The following FOXA1 variants were observed in gnomAD, a reference collection of about 807,000 sequenced individuals.
FOXA1 encodes forkhead box A1.
FOXA1 carries 9 observed loss-of-function variants against 29.2 expected under a neutral mutation model. The ratio of observed to expected loss-of-function variants is 0.31; its 90% CI spans 0.19 to 0.54. FOXA1 has a LOEUF of 0.54. Among genes scored for constraint, FOXA1 ranks in the 20% least tolerant of loss-of-function variants. The probability of loss-of-function intolerance (pLI) is 0.95; values close to 1 mark genes in which losing one functional copy is unlikely to be tolerated. For missense variants in FOXA1, 644 were observed against 681.2 expected (o/e 0.95, Z 0.61); for synonymous variants, 340 against 300.9 (o/e 1.13, Z -1.34).
In FOXA1 at chr14:37,590,851, T is replaced by C. The variant is rs1191189420; in HGVS notation, c.*514A>G. The C allele has an allele frequency of 3.8e-6, 1 of 262,756 alleles. No individual in the cohort carries two copies. Among genetic ancestry groups the C allele is most frequent in the Non-Finnish European group, 7.4e-6 (1 of 135,434 alleles). The allele number at this position is 262,756 out of a possible 1,614,324, so 16.3% of individuals were successfully genotyped here. On this transcript the variant is annotated 3_prime_UTR_variant, in exon 2 of 2. Coordinates refer to ENST00000250448, the MANE Select transcript of FOXA1 (RefSeq NM_004496.5). Reference sequence around the variant, plus strand: ...ATATAACAGCAGTATTGTCTTTCAATACTTTTAAGAGCCTCTAGTGTATAC... The same window carrying C: ...ATATAACAGCAGTATTGTCTTTCAACACTTTTAAGAGCCTCTAGTGTATAC...
At chr14:37,594,507 G>T in intron 1 of FOXA1, 1 of 417,074 alleles carries the variant, frequency 2.4e-6, no homozygotes, top group Non-Finnish European at 3.3e-6. Flanking sequence ...ACGGTGGGAC[G>T]AAGAGGTCGC....
Position 37,591,178 on chromosome 14 carries a change from G to T in FOXA1, c.*187C>A. The T allele has an allele frequency of 1.3e-6, 1 of 796,804 alleles. No homozygotes were observed. Among genetic ancestry groups the T allele is most frequent in the Non-Finnish European group, 2.0e-6 (1 of 505,386 alleles). 49.4% of individuals were successfully genotyped at this position (796,804 alleles called of 1,614,324 possible). ...TGTAGTAATATACACAATGAATTTT[G>T]AATACAATAATAAAGTAACAGTCTT... On this transcript the variant is annotated 3_prime_UTR_variant, in exon 2 of 2. Coordinates refer to ENST00000250448, the MANE Select transcript of FOXA1 (RefSeq NM_004496.5).
In FOXA1 at chr14:37,591,958, C is replaced by T; in HGVS notation, c.826G>A (p.Gly276Ser). The part of the protein sequence containing the change: ...FKCEKQPGAG[G>S]GGGSGSGGSG... ...CCCCCGCTTCCGCTCCCGCCCCCGC[C>T]GCCGGCCCCCGGCTGCTTCTCGCAC... The change falls in exon 2 of 2, where the codon GGC becomes AGC. Residue 276 changes from glycine (G) to serine (S), a missense_variant. By Grantham distance (56) the Gly-to-Ser change is moderately conservative. Transcript: ENST00000250448. 1.3e-6 allele frequency: 2 copies of T among 1,532,252 alleles called. No individual in the cohort carries two copies. Among genetic ancestry groups the T allele is most frequent in the South Asian group, 1.3e-5 (1 of 78,602 alleles). 94.9% of individuals were successfully genotyped at this position (1,532,252 alleles called of 1,614,324 possible). A position where few individuals can be genotyped will look rare whatever the true frequency, so the allele number is the denominator to read the frequency against.
In FOXA1 at chr14:37,591,316, C is replaced by T. The variant is rs779274463; in HGVS notation, c.*49G>A. 3 of 1,605,826 alleles carry T rather than the reference C, an allele frequency of 1.9e-6. No individual in the cohort carries two copies. The highest frequency in any genetic ancestry group is 2.2e-5 in the East Asian group (1 of 44,878). On this transcript the variant is annotated 3_prime_UTR_variant, in exon 2 of 2. Coordinates refer to ENST00000250448, the MANE Select transcript of FOXA1 (RefSeq NM_004496.5). ...GTTTTGTTTGCTGTTGATTTTTTCTCTCTTGCTACCAGCATGGCTATGCCA... is the reference window on the plus strand; with the variant it reads ...GTTTTGTTTGCTGTTGATTTTTTCTTTCTTGCTACCAGCATGGCTATGCCA...
At chr14:37,593,383 G>A (rs921408944) in intron 1 of FOXA1, among the ~76,000 whole-genome samples, 2 of 152,110 alleles carry the variant, frequency 1.3e-5, no homozygotes, top group African/African-American at 4.8e-5. Context: ...ATTTTAACAT[G>A]ACTTTACATG....
In FOXA1 at chr14:37,591,859, G is replaced by C. The variant is rs753013275; in HGVS notation, c.925C>G (p.Leu309Val). Residue 309 changes from leucine to valine, a missense_variant, in exon 2 of 2, where the codon CTC (leucine) becomes GTC (valine). Transcript: ENST00000250448. ...GASNPSADSP[L>V]HRGVHGKTGQ... Reference sequence around the variant, plus strand: ...GTCTTCCCGTGCACACCCCGATGGAGGGGCGAGTCGGCGCTGGGGTTAGAG... The same window carrying C: ...GTCTTCCCGTGCACACCCCGATGGACGGGCGAGTCGGCGCTGGGGTTAGAG... 6.9e-7 allele frequency: 1 copy of C among 1,451,352 alleles called. No individual in the cohort carries two copies. Among genetic ancestry groups the C allele is most frequent in the African/African-American group, 1.4e-5 (1 of 69,908 alleles). 89.9% of individuals were successfully genotyped at this position (1,451,352 alleles called of 1,614,324 possible).
In FOXA1 at chr14:37,592,019, C is replaced by T. The variant is rs1242972289; in HGVS notation, c.765G>A (p.Glu255=). ...TLHPDSGNMF[E]NGCYLRRQKR... ...TCTGGCGGCGCAAGTAGCAGCCGTT[C>T]TCGAACATGTTGCCGGAGTCCGGGT... The change falls in exon 2 of 2, where the codon GAG becomes GAA. Residue 255 remains glutamate, a synonymous_variant. Transcript: ENST00000250448. 1.2e-6 allele frequency: 2 copies of T among 1,606,360 alleles called. No individual in the cohort carries two copies. Among genetic ancestry groups the T allele is most frequent in the Non-Finnish European group, 8.5e-7 (1 of 1,176,138 alleles).
Position 37,591,468 on chromosome 14 carries a change from A to G in FOXA1, c.1316T>C (p.Leu439Pro). 6.2e-7 allele frequency: 1 copy of G among 1,614,230 alleles called. No individual in the cohort carries two copies. ...CCTGGTGGTCACCGAGGCGCTGCCT[A>G]GAGGCAGGCTGGCGGGCAACGTAGA... ...YGSTLPASLPLGSASVTTRSP... is the reference protein window; with the variant it reads ...YGSTLPASLPPGSASVTTRSP... The change falls in exon 2 of 2, where the codon CTA becomes CCA. Residue 439 changes from leucine to proline, a missense_variant. By Grantham distance (98) the Leu-to-Pro change is moderately conservative (BLOSUM62 -3). Coordinates refer to ENST00000250448, the MANE Select transcript of FOXA1 (RefSeq NM_004496.5).
At chr14:37,592,860 C>A (rs1326773360) in intron 1 of FOXA1, 149 bp from the exon 2 acceptor site, 2 of 907,124 alleles carry the variant, frequency 2.2e-6, no homozygotes, top group Admixed American at 3.8e-5. Context: ...TGGCTAAGCG[C>A]CCTCCCCAGA....
Position 37,591,749 on chromosome 14 carries a change from G to GC in FOXA1, c.1034dup (p.Ala346ArgfsTer69). ...AGGCTGGAGTCTTCAACTCCGAGGC[G>GC]CCCCCTGTCGCCGTCGCCCCACTGT... On this transcript the variant is annotated frameshift_variant, in exon 2 of 2. Coordinates refer to ENST00000250448, the MANE Select transcript of FOXA1 (RefSeq NM_004496.5). LOFTEE classifies it high-confidence loss of function. 6.5e-7 allele frequency: 1 copy of GC among 1,544,242 alleles called. No homozygotes were observed. Among genetic ancestry groups the GC allele is most frequent in the Non-Finnish European group, 8.7e-7 (1 of 1,145,554 alleles).
chr14:37,591,765 GC>G lies in FOXA1; in HGVS notation c.1018del (p.Ala340ArgfsTer10). On this transcript the variant is annotated frameshift_variant, in exon 2 of 2. Coordinates refer to ENST00000250448, the MANE Select transcript of FOXA1 (RefSeq NM_004496.5). LOFTEE classifies it high-confidence loss of function. ...ASPQTLDHSG[A>X]TATGGASELK... ...CTCCGAGGCGCCCCCTGTCGCCGTCGCCCCACTGTGGTCCAGAGTCTGGGGG... is the reference window on the plus strand; with the variant it reads ...CTCCGAGGCGCCCCCTGTCGCCGTCGCCCACTGTGGTCCAGAGTCTGGGGG... The G allele has an allele frequency of 6.5e-7, 1 of 1,528,974 alleles. No homozygotes were observed. Among genetic ancestry groups the G allele is most frequent in the Non-Finnish European group, 8.8e-7 (1 of 1,138,758 alleles). 94.7% of individuals were successfully genotyped at this position (1,528,974 alleles called of 1,614,324 possible). A position where few individuals can be genotyped will look rare whatever the true frequency, so the allele number is the denominator to read the frequency against.
At position 37,591,860 on chromosome 14, in the gene FOXA1, G is replaced by A. The variant is rs946422204; in HGVS notation, c.924C>T (p.Pro308=). 114 of 1,451,198 alleles carry A rather than the reference G, an allele frequency of 7.9e-5. No individual in the cohort carries two copies. Among genetic ancestry groups the A allele is most frequent in the Non-Finnish European group, 9.0e-5 (100 of 1,107,554 alleles). 89.9% of individuals were successfully genotyped at this position (1,451,198 alleles called of 1,614,324 possible). A position where few individuals can be genotyped will look rare whatever the true frequency, so the allele number is the denominator to read the frequency against. ...TCTTCCCGTGCACACCCCGATGGAG[G>A]GGCGAGTCGGCGCTGGGGTTAGAGG... ...SGASNPSADS[P]LHRGVHGKTG... is the part of the protein sequence containing the mutation. Residue 308 remains proline (P), a synonymous_variant, in exon 2 of 2, where the codon CCC becomes CCT. Coordinates refer to ENST00000250448, the MANE Select transcript of FOXA1 (RefSeq NM_004496.5).
In FOXA1 at chr14:37,592,373, G is replaced by T. The variant is rs1474787261; in HGVS notation, c.411C>A (p.Cys137Ter). 1 of 1,603,648 alleles carries T rather than the reference G, an allele frequency of 6.2e-7. No individual in the cohort carries two copies. The highest frequency in any genetic ancestry group is 8.5e-7 in the Non-Finnish European group (1 of 1,176,568). The change falls in exon 2 of 2, where the codon TGC (cysteine) becomes TGA (stop). Residue 137 changes from cysteine (C) to a stop codon, truncating the protein, a stop_gained. Coordinates refer to ENST00000250448, the MANE Select transcript of FOXA1 (RefSeq NM_004496.5). LOFTEE classifies it high-confidence loss of function. ...LGPYAAAMNP[C>*]MSPMAYAPSN... ...ACGGCGCGTACGCCATGGGGCTCAT[G>T]CACGGGTTCATGGCGGCCGCGTAGG...
In FOXA1 at chr14:37,594,930, A is replaced by C. The variant is rs1404986030; in HGVS notation, c.43T>G (p.Trp15Gly). 1 of 1,577,024 alleles carries C rather than the reference A, an allele frequency of 6.3e-7. No homozygotes were observed. The highest frequency in any genetic ancestry group is 1.4e-5 in the African/African-American group (1 of 73,118). ...VKMEGHETSDWNSYYADTQEA... is the reference protein window; with the variant it reads ...VKMEGHETSDGNSYYADTQEA... ...TGCGTGTCTGCGTAGTAGCTGTTCC[A>C]GTCGCTGGTTTCATGCCCTTCCATC... Residue 15 changes from tryptophan to glycine, a missense_variant, in exon 1 of 2, where the codon TGG becomes GGG. Physicochemically the swap from Trp to Gly is radical, Grantham distance 184. Transcript: ENST00000250448.
Position 37,592,324 on chromosome 14 carries a change from C to T in FOXA1, c.460G>A (p.Gly154Ser), listed in dbSNP as rs1370139728. The T allele has an allele frequency of 1.3e-6, 2 of 1,597,640 alleles. No individual in the cohort carries two copies. The highest frequency in any genetic ancestry group is 1.4e-5 in the African/African-American group (1 of 74,040). Reference protein sequence around the residue: ...APSNLGRSRAGGGGDAKTFKR... With the variant: ...APSNLGRSRASGGGDAKTFKR... Reference sequence around the variant, plus strand: ...AACGTCTTGGCGTCGCCGCCGCCGCCCGCGCGGCTGCGGCCCAGGTTGGAC... The same window carrying T: ...AACGTCTTGGCGTCGCCGCCGCCGCTCGCGCGGCTGCGGCCCAGGTTGGAC... The change falls in exon 2 of 2, where the codon GGC becomes AGC. Residue 154 changes from glycine to serine, a missense_variant. Coordinates refer to ENST00000250448, the MANE Select transcript of FOXA1 (RefSeq NM_004496.5).
At chr14:37,592,793 C>A in intron 1 of FOXA1, 82 bp from the exon 2 acceptor site, 3 of 1,562,150 alleles carry the variant, frequency 1.9e-6, no homozygotes, top group African/African-American at 1.3e-5. Context: ...CGGGACCTAA[C>A]CCGGGGGCAA....
chr14:37,594,499 G>T, intron 1 of FOXA1: 1 of 489,812 alleles, frequency 2.0e-6, no homozygotes, highest in Non-Finnish European at 2.7e-6. Flanking sequence ...CGAATTAAAC[G>T]GTGGGACGAA....
rs1347175129 is a variant in FOXA1, at chr14:37,590,407, T to G, written c.*958A>C. 1 of 228,630 alleles carries G rather than the reference T, an allele frequency of 4.4e-6. No homozygotes were observed. Among genetic ancestry groups the G allele is most frequent in the African/African-American group, 2.2e-5 (1 of 45,070 alleles). 14.2% of individuals were successfully genotyped at this position (228,630 alleles called of 1,614,324 possible). A position where few individuals can be genotyped will look rare whatever the true frequency, so the allele number is the denominator to read the frequency against. ...TCTCCTCCAACATTGTAATATTCCC[T>G]TTTACTGAAAAAAAAATTCTTTAAA... On this transcript the variant is annotated 3_prime_UTR_variant, in exon 2 of 2. Coordinates refer to ENST00000250448, the MANE Select transcript of FOXA1 (RefSeq NM_004496.5).
rs2139180257 is a variant in FOXA1 at position 37,591,651 on chromosome 14, C to T, written c.1133G>A (p.Gly378Asp). Residue 378 changes from glycine (G) to aspartate (D), a missense_variant, in exon 2 of 2, where the codon GGC becomes GAC. Gly to Asp is a moderately conservative substitution (Grantham distance 94). Transcript: ENST00000250448. ...CAGCTGGGACTCGTGGGGTGCCAAG[C>T]CGTGTGCCGGGTGAGAGGCGGGCAC... Reference protein sequence around the residue: ...ASVPASHPAHGLAPHESQLHL... With the variant: ...ASVPASHPAHDLAPHESQLHL... 6.3e-7 allele frequency: 1 copy of T among 1,596,008 alleles called. No homozygotes were observed. Among genetic ancestry groups the T allele is most frequent in the Non-Finnish European group, 8.5e-7 (1 of 1,170,922 alleles).
Sources: gnomAD v4.1 joint callset for allele counts (sites outside exome capture counted in the v4.1 genomes callset) on GRCh38, gnomAD v4.1.1 for gene constraint, MANE v1.5 for transcripts, NCBI Gene and HGNC (gene_info 2026-07-23, HGNC 2026-07-21) for gene names.